Variants in MCF2L observed in about 807,000 individuals in gnomAD.
MCF2L encodes MCF.2 cell line derived transforming sequence like.
MCF2L carries 97 observed loss-of-function variants against 153.4 expected under a neutral mutation model. The ratio of observed to expected loss-of-function variants is 0.63; its 90% CI spans 0.54 to 0.75. The LOEUF is 0.75. MCF2L is among the 30% of genes least tolerant of loss of function. The probability of loss-of-function intolerance (pLI) is 0.00; values close to 1 mark genes in which losing one functional copy is unlikely to be tolerated. For synonymous variants in MCF2L, 659 were observed against 632.2 expected, an observed-to-expected ratio of 1.04 and a Z score of -0.64; for missense variants, 1,347 against 1,495.2, an observed-to-expected ratio of 0.90 and a Z score of 1.64.
At position 113,096,419 on chromosome 13, in the gene MCF2L, G is replaced by A. The variant is rs774002517; in HGVS notation, c.3124G>A (p.Asp1042Asn). The change falls in exon 28 of 30, where the codon GAT becomes AAT. Residue 1042 changes from aspartate (D) to asparagine (N), a missense_variant. This residue lies in a region of MCF2L where 383 missense variants were observed against 335.4 expected (regional missense o/e 1.14). Coordinates refer to ENST00000535094, the MANE Select transcript of MCF2L (RefSeq NM_001112732.3). ...GGCGGACCACGAGAAGGGAGGCCCCGATGCGCTGCGCGTGAGGAGCGGGGA... is the reference window on the plus strand; with the variant it reads ...GGCGGACCACGAGAAGGGAGGCCCCAATGCGCTGCGCGTGAGGAGCGGGGA... ...VVADHEKGGP[D>N]ALRVRSGDVV... 3 of 1,596,048 alleles carry A rather than the reference G, an allele frequency of 1.9e-6. No homozygotes were observed. The highest frequency in any genetic ancestry group is 1.7e-5 in the Admixed American group (1 of 57,750).
chr13:113,071,111 G>A (rs940429265), intron 9 of MCF2L, among the ~76,000 whole-genome samples: 1 of 152,126 alleles, frequency 6.6e-6, no homozygotes, highest in Non-Finnish European at 1.5e-5. Flanking sequence ...GCCATCTCAC[G>A]GTGGTTTTCT....
At chr13:113,057,546 C>T (rs1175329506) in intron 4 of MCF2L, among the ~76,000 whole-genome samples, 3 of 104,908 alleles carry the variant, frequency 2.9e-5, no homozygotes, top group Admixed American at 1.1e-4. Flanking sequence ...TTAGTAGCTG[C>T]GTGTTTGCTG....
At chr13:113,048,209 T>C (rs2086953801) in intron 4 of MCF2L, among the ~76,000 whole-genome samples, 1 of 152,364 alleles carries the variant, frequency 6.6e-6, no homozygotes, top group Non-Finnish European at 1.5e-5. Context: ...GCAGGTTGGC[T>C]CATCTTGAAA....
chr13:113,089,163 T>TC (rs1566878835), intron 25 of MCF2L, among the ~76,000 whole-genome samples: 52 of 89,432 alleles, frequency 5.8e-4, no homozygotes, highest in South Asian at 9.3e-4. Flanking sequence ...AAAGAAACAC[T>TC]CCCCCGCCCC....
At chr13:113,048,693 C>T (rs1254365261) in intron 4 of MCF2L, among the ~76,000 whole-genome samples, 1 of 152,270 alleles carries the variant, frequency 6.6e-6, no homozygotes, top group Admixed American at 6.5e-5. Context: ...CCGCCTGCCT[C>T]GGCCTCCCAA....
chr13:113,059,258 GC>G (rs1566820110), intron 4 of MCF2L, among the ~76,000 whole-genome samples: 1 of 152,128 alleles, frequency 6.6e-6, no homozygotes, highest in African/African-American at 2.4e-5. Context: ...CTTGGCCCAC[GC>G]CCCACGCGTC....
At chr13:112,964,391 A>G (rs79932884), upstream of MCF2L, among the ~76,000 whole-genome samples, 1 of 152,226 alleles carries the variant, frequency 6.6e-6, no homozygotes, top group Non-Finnish European at 1.5e-5. Flanking sequence ...TGAACCCATC[A>G]TGATGCTCCC....
At chr13:112,985,907 C>T (rs1235426023) in intron 1 of MCF2L, among the ~76,000 whole-genome samples, 2 of 152,174 alleles carry the variant, frequency 1.3e-5, no homozygotes, top group Non-Finnish European at 1.5e-5. Context: ...CGGTGACGTG[C>T]CTGAGGATCG....
At chr13:112,912,122 C>T (rs1262787266) in intron 2 of MCF2L, among the ~76,000 whole-genome samples, 1 of 152,166 alleles carries the variant, frequency 6.6e-6, no homozygotes, top group Non-Finnish European at 1.5e-5. Flanking sequence ...CAGTCACATC[C>T]TCAGAGTGTC....
intron 1 of MCF2L, among the ~76,000 whole-genome samples, chr13:112,897,448 G>A (rs375477280): frequency 5.3e-5 from 8 of 152,176 alleles, no homozygotes; most frequent in Non-Finnish European, 7.3e-5. Context: ...CTGAAAGGTC[G>A]TCCCCATGGG....
chr13:113,057,634 T>TGG (rs2030361920), intron 4 of MCF2L, among the ~76,000 whole-genome samples: 4 of 64,914 alleles, frequency 6.2e-5, no homozygotes, highest in Admixed American at 2.9e-4. Flanking sequence ...GGGTGCTGAG[T>TGG]GTTTGGGTGC....
chr13:112,983,646 G>T lies in MCF2L; in HGVS notation c.79+14188G>T, dbSNP rs1023136150. Among the ~76,000 whole-genome samples, 1 of 152,198 alleles carries T rather than the reference G, an allele frequency of 6.6e-6. No homozygotes were observed. On this transcript the variant is annotated intron_variant, in intron 1 of 29. Coordinates refer to ENST00000535094, the MANE Select transcript of MCF2L (RefSeq NM_001112732.3). The surrounding 1 kb of genome is among the most constrained non-coding windows in gnomAD (Gnocchi z 4.0). ...ACAGCTCTGTCCCCTGCCTTATCTC[G>T]CTGGCTCTGCCCTTGGTCATCAGGA...
At chr13:112,994,317 G>A (rs903384988) in intron 1 of MCF2L, among the ~76,000 whole-genome samples, 9 of 151,936 alleles carry the variant, frequency 5.9e-5, no homozygotes. Context: ...CCAAGCTGAC[G>A]TCACTGTCTG....
intron 1 of MCF2L, among the ~76,000 whole-genome samples, chr13:112,984,951 G>A (rs2082575751): frequency 6.6e-6 from 1 of 152,104 alleles, no homozygotes; most frequent in South Asian, 2.1e-4. Flanking sequence ...AGTCACCCCC[G>A]ACAGGACTCT....
chr13:113,091,248 G>A (rs1040242100), intron 26 of MCF2L: 2 of 1,297,806 alleles, frequency 1.5e-6, no homozygotes, highest in Admixed American at 4.6e-5. Context: ...AGGAAGCGCG[G>A]CCCAGCTGGC....
chr13:113,022,416 G>A (rs2084939109), intron 2 of MCF2L, among the ~76,000 whole-genome samples: 1 of 150,408 alleles, frequency 6.6e-6, no homozygotes. Flanking sequence ...TCATGCCGTG[G>A]CCCATGCCCA....
At chr13:113,003,324 A>G (rs1023298749) in intron 1 of MCF2L, among the ~76,000 whole-genome samples, 1 of 138,752 alleles carries the variant, frequency 7.2e-6, no homozygotes, top group African/African-American at 2.8e-5. Flanking sequence ...CCCCTGGGTT[A>G]TGGGGTTGGC....
chr13:113,064,638 C>CAAAAAA lies in MCF2L; in HGVS notation c.606+229_606+234dup. On this transcript the variant is annotated intron_variant, in intron 6 of 29. Transcript: ENST00000535094. The surrounding 1 kb of genome is among the most constrained non-coding windows in gnomAD (Gnocchi z 6.0). ...AGTGGCTTTCTCTGGGCTTGGAGAC[C>CAAAAAA]AAAAAAAAAAAAAAAACCCTTGCGT... 2.2e-6 allele frequency: 1 copy of CAAAAAA among 464,462 alleles called. No individual in the cohort carries two copies. The highest frequency in any genetic ancestry group is 3.4e-5 in the East Asian group (1 of 29,366). 28.8% of individuals were successfully genotyped at this position (464,462 alleles called of 1,614,324 possible). A position where few individuals can be genotyped will look rare whatever the true frequency, so the allele number is the denominator to read the frequency against.
At chr13:112,901,310 C>T (rs142241772) in intron 1 of MCF2L, among the ~76,000 whole-genome samples, 8,208 of 152,166 alleles carry the variant, frequency 0.054, 713 homozygotes, top group African/African-American at 0.18. Context: ...CCGGCCACCA[C>T]GCCTGGCTAA....
Sources: allele counts gnomAD v4.1 joint callset (sites outside exome capture counted in the v4.1 genomes callset), GRCh38; gene constraint gnomAD v4.1.1; regional missense constraint gnomAD v4.1.1; non-coding constraint Gnocchi (gnomAD v3.1); transcripts MANE v1.5; gene names NCBI Gene and HGNC (gene_info 2026-07-23, HGNC 2026-07-21).